NFIB: variants seen among roughly 807,000 people sequenced by gnomAD.
NFIB encodes nuclear factor I B, also known as nuclear factor 1 B-type.
Under a neutral mutation model 61.5 loss-of-function variants are expected in NFIB, and 11 were observed. That is an observed-to-expected ratio of 0.18 (90% CI 0.11 to 0.30). The LOEUF is 0.30. NFIB is among the 10% of genes least tolerant of loss of function. The probability of loss-of-function intolerance (pLI) is 1.00; values close to 1 mark genes in which losing one functional copy is unlikely to be tolerated. For missense variants in NFIB, 471 were observed against 608.9 expected, an observed-to-expected ratio of 0.77 and a Z score of 2.38; for synonymous variants, 260 against 216.5, an observed-to-expected ratio of 1.20 and a Z score of -1.76.
chr9:14,266,972 T>A (rs2132288699), intron 2 of NFIB, among the ~76,000 whole-genome samples: 1 of 152,248 alleles, frequency 6.6e-6, no homozygotes, highest in South Asian at 2.1e-4. Flanking sequence ...AGTAGAAAAT[T>A]CACAGAATCA....
chr9:14,390,237 G>C (rs975854281), intron 1 of NFIB, among the ~76,000 whole-genome samples: 1 of 152,136 alleles, frequency 6.6e-6, no homozygotes, highest in Non-Finnish European at 1.5e-5. Flanking sequence ...GGATCCTACA[G>C]TTTTCTAAGG....
intron 1 of NFIB, among the ~76,000 whole-genome samples, chr9:14,391,726 GA>G (rs998423168): frequency 2.0e-5 from 3 of 151,696 alleles, no homozygotes; most frequent in African/African-American, 7.3e-5. Flanking sequence ...AATCAGGGGA[GA>G]AAAAAAACAC....
At chr9:14,216,902 A>G (rs1441405838) in intron 2 of NFIB, among the ~76,000 whole-genome samples, 1 of 152,238 alleles carries the variant, frequency 6.6e-6, no homozygotes, top group Non-Finnish European at 1.5e-5. Context: ...TGTTTAGCAC[A>G]TGGTGCTTTA....
chr9:14,407,837 C>A, the NFIB span, among the ~76,000 whole-genome samples: 1 of 151,998 alleles, frequency 6.6e-6, no homozygotes, highest in Non-Finnish European at 1.5e-5. Flanking sequence ...AAGTGTGTAC[C>A]ACCGTGCTCA....
the NFIB span, among the ~76,000 whole-genome samples, chr9:14,493,655 G>A: frequency 6.6e-6 from 1 of 152,170 alleles, no homozygotes; most frequent in Admixed American, 6.5e-5. Flanking sequence ...GTCCATAACT[G>A]TTTCTTGCAT....
At chr9:14,413,386 G>A in the NFIB span, among the ~76,000 whole-genome samples, 3 of 152,144 alleles carry the variant, frequency 2.0e-5, no homozygotes, top group Non-Finnish European at 4.4e-5. Context: ...AATCTTTTTA[G>A]AGGGAATACA....
chr9:14,484,939 G>A, the NFIB span, among the ~76,000 whole-genome samples: 2 of 152,142 alleles, frequency 1.3e-5, no homozygotes, highest in Non-Finnish European at 2.9e-5. Flanking sequence ...TCAGGTTCTG[G>A]TGAGGGCTCT....
intron 1 of NFIB, among the ~76,000 whole-genome samples, chr9:14,392,626 G>A (rs1383437178): frequency 2.6e-5 from 4 of 151,998 alleles, no homozygotes; most frequent in African/African-American, 4.8e-5. Context: ...TACTCAGGAC[G>A]CTGAGATCTA....
chr9:14,236,929 T>C (rs958084878), intron 2 of NFIB, among the ~76,000 whole-genome samples: 3 of 152,128 alleles, frequency 2.0e-5, no homozygotes, highest in Non-Finnish European at 4.4e-5. Flanking sequence ...CCTAAGTTCT[T>C]TCCTAACCCC....
chr9:14,243,746 A>G (rs933071877), intron 2 of NFIB, among the ~76,000 whole-genome samples: 1 of 152,160 alleles, frequency 6.6e-6, no homozygotes, highest in Non-Finnish European at 1.5e-5. Flanking sequence ...CAGATAGCCT[A>G]AAAGGCAGAA....
intron 2 of NFIB, among the ~76,000 whole-genome samples, chr9:14,235,080 A>G (rs2053609865): frequency 6.6e-6 from 1 of 152,194 alleles, no homozygotes; most frequent in South Asian, 2.1e-4. Flanking sequence ...ATATGCCTAT[A>G]GAGGATAATG....
the NFIB span, among the ~76,000 whole-genome samples, chr9:14,416,588 C>T: frequency 6.6e-6 from 1 of 151,822 alleles, no homozygotes; most frequent in Admixed American, 6.6e-5. Context: ...AAATTTTTTA[C>T]AGCTGTACAA....
intron 3 of NFIB, among the ~76,000 whole-genome samples, chr9:14,161,100 C>G (rs1011521351): frequency 3.9e-5 from 6 of 152,110 alleles, no homozygotes; most frequent in Non-Finnish European, 8.8e-5. Flanking sequence ...AGCTCTTTGC[C>G]AATCTTCATA....
At chr9:14,231,135 A>AAATATATATAT (rs55959148) in intron 2 of NFIB, among the ~76,000 whole-genome samples, 35 of 35,346 alleles carry the variant, frequency 9.9e-4, no homozygotes, top group Non-Finnish European at 1.6e-3. Context: ...AAAAAAAAAA[A>AAATATATATAT]ATATATATAT....
intron 2 of NFIB, among the ~76,000 whole-genome samples, chr9:14,248,779 T>C (rs979814485): frequency 6.6e-6 from 1 of 152,246 alleles, no homozygotes; most frequent in Admixed American, 6.5e-5. Context: ...CCCAGGAACG[T>C]CTGCAGGGAC....
chr9:14,510,953 T>A, the NFIB span, among the ~76,000 whole-genome samples: 5 of 152,216 alleles, frequency 3.3e-5, no homozygotes, highest in Non-Finnish European at 5.9e-5. Flanking sequence ...TTTCAGATAT[T>A]TCCTCTTTGA....
intron 1 of NFIB, among the ~76,000 whole-genome samples, chr9:14,372,348 G>C (rs2061367768): frequency 6.6e-6 from 1 of 152,042 alleles, no homozygotes; most frequent in South Asian, 2.1e-4. Flanking sequence ...TTTATAAATG[G>C]AGTGAAAATT....
chr9:14,378,829 C>T (rs917776001), intron 1 of NFIB, among the ~76,000 whole-genome samples: 2 of 152,174 alleles, frequency 1.3e-5, no homozygotes, highest in African/African-American at 2.4e-5. Context: ...GCCCACCCTC[C>T]GGCCCTACAG....
At chr9:14,420,445 C>CAAAAAAAAAAAAAAAAAAAAAAAAAAAA in the NFIB span, among the ~76,000 whole-genome samples, 10 of 42,430 alleles carry the variant, frequency 2.4e-4, no homozygotes, top group Non-Finnish European at 3.2e-4. Context: ...GACTCCGTCT[C>CAAAAAAAAAAAAAAAAAAAAAAAAAAAA]AAAAAAAAAA....
Sources: gnomAD v4.1 joint callset for allele counts (sites outside exome capture counted in the v4.1 genomes callset) on GRCh38, gnomAD v4.1.1 for gene constraint, MANE v1.5 for transcripts, NCBI Gene and HGNC (gene_info 2026-07-23, HGNC 2026-07-21) for gene names.